The following FMO1 variants were observed in gnomAD, a reference collection of about 807,000 sequenced individuals.
FMO1 encodes flavin-containing monooxygenase 1.
FMO1 carries 36 observed loss-of-function variants against 45.4 expected under a neutral mutation model. The ratio of observed to expected loss-of-function variants is 0.79; its 90% confidence interval spans 0.61 to 1.05. The LOEUF (loss-of-function observed/expected upper bound fraction) is 1.05, where lower values mean the gene tolerates loss of function less well. Ranked by LOEUF, FMO1 falls within the 50% of genes least tolerant of loss-of-function variation. The pLI is 0.00. For synonymous variants in FMO1, 228 were observed against 227.2 expected (o/e 1.00, Z -0.03); for missense variants, 615 against 640.3 (o/e 0.96, Z 0.43).
Position 171,282,052 on chromosome 1 carries a change from C to T in FMO1, c.902C>T (p.Pro301Leu). ...RIITGKVFIR[P>L]SIKEVKENSV... ...ATCACTGGGAAAGTGTTCATCAGGC[C>T]AAGCATAAAAGAGGTAAAGGAAAAC... is the stretch of plus-strand genomic sequence containing the variant. The change falls in exon 7 of 9, where the codon CCA (proline) becomes CTA (leucine). Residue 301 changes from proline (P) to leucine (L), a missense_variant. Coordinates refer to ENST00000617670, the MANE Select transcript of FMO1 (RefSeq NM_001282693.2). The T allele has an allele frequency of 6.2e-7, 1 of 1,613,626 alleles. No homozygotes were observed. Among genetic ancestry groups the T allele is most frequent in the Non-Finnish European group, 8.5e-7 (1 of 1,179,826 alleles).
intron 7 of FMO1, chr1:171,282,765 G>T (rs974742308): frequency 8.2e-6 from 2 of 243,832 alleles, no homozygotes; most frequent in Non-Finnish European, 7.8e-6. Flanking sequence ...CTACAGACAT[G>T]CACACTGCAC....
intron 4 of FMO1, among the ~76,000 whole-genome samples, chr1:171,278,220 C>T (rs1661187921): frequency 6.6e-6 from 1 of 152,160 alleles, no homozygotes; most frequent in Admixed American, 6.5e-5. Flanking sequence ...TAACATGAAA[C>T]TTTGTGAATA....
intron 3 of FMO1, among the ~76,000 whole-genome samples, chr1:171,273,382 C>T (rs929038597): frequency 6.6e-6 from 1 of 152,132 alleles, no homozygotes; most frequent in African/African-American, 2.4e-5. Flanking sequence ...CCTTATTTTG[C>T]AATGGACACA....
intron 2 of FMO1, among the ~76,000 whole-genome samples, chr1:171,267,246 T>A (rs996622298): frequency 1.6e-4 from 25 of 152,208 alleles, no homozygotes; most frequent in African/African-American, 5.5e-4. Context: ...ACTTCTATAT[T>A]TAGAACGTTC....
chr1:171,253,680 G>T (rs544204493), intron 1 of FMO1, among the ~76,000 whole-genome samples: 4 of 152,006 alleles, frequency 2.6e-5, no homozygotes, highest in Non-Finnish European at 5.9e-5. Flanking sequence ...AGAATCGCTC[G>T]AACCCAGGAG....
At chr1:171,264,330 A>G (rs924034933) in intron 2 of FMO1, among the ~76,000 whole-genome samples, 2 of 148,586 alleles carry the variant, frequency 1.3e-5, no homozygotes, top group South Asian at 2.1e-4. Flanking sequence ...GTGTGTATAT[A>G]TATATACACA....
At chr1:171,270,854 A>G in intron 3 of FMO1, 1 of 692,376 alleles carries the variant, frequency 1.4e-6, no homozygotes. Flanking sequence ...CAAATCCTAC[A>G]CAGACTTACA....
chr1:171,259,387 T>A (rs1361699940), intron 2 of FMO1, among the ~76,000 whole-genome samples: 1 of 152,210 alleles, frequency 6.6e-6, no homozygotes, highest in African/African-American at 2.4e-5. Flanking sequence ...TAAAAGAGCA[T>A]GCCTCTTCTC....
At position 171,267,515 on chromosome 1, in the gene FMO1, T is replaced by G. The variant is rs1660666139; in HGVS notation, c.133-28T>G. On this transcript the variant is annotated intron_variant, in intron 2 of 8. Transcript: ENST00000617670. ...GGCTTATTTATGAGCATGCAATGAA[T>G]GTTCATGTGTGTGCACTGTTTGTAC... 4 of 1,526,638 alleles carry G rather than the reference T, an allele frequency of 2.6e-6. No homozygotes were observed. In the South Asian group the frequency reaches 5.3e-5, roughly 20 times the overall value. The allele number at this position is 1,526,638 out of a possible 1,614,324, so 94.6% of individuals were successfully genotyped here.
chr1:171,266,415 TA>T (rs1358219650), intron 2 of FMO1, among the ~76,000 whole-genome samples: 1 of 152,242 alleles, frequency 6.6e-6, no homozygotes, highest in South Asian at 2.1e-4. Context: ...TCCAGCTGAA[TA>T]AAATATCAAG....
chr1:171,273,323 A>G (rs1324847288), intron 3 of FMO1, among the ~76,000 whole-genome samples: 2 of 152,210 alleles, frequency 1.3e-5, no homozygotes, highest in Non-Finnish European at 2.9e-5. Context: ...GTGAAAATGG[A>G]CTAATACATC....
chr1:171,280,261 A>T (rs1483238403), intron 5 of FMO1, among the ~76,000 whole-genome samples: 1 of 152,212 alleles, frequency 6.6e-6, no homozygotes, highest in African/African-American at 2.4e-5. Flanking sequence ...ATTGTACAGG[A>T]AACTCCTTAT....
At chr1:171,271,289 C>A (rs1179154901) in intron 3 of FMO1, 37 of 1,277,088 alleles carry the variant, frequency 2.9e-5, no homozygotes, top group Non-Finnish European at 4.0e-5. Flanking sequence ...AGGAAAAAGG[C>A]TGAAGGAGGC....
intron 1 of FMO1, among the ~76,000 whole-genome samples, chr1:171,253,326 G>T (rs1236368474): frequency 2.0e-5 from 3 of 152,058 alleles, no homozygotes; most frequent in Admixed American, 6.5e-5. Context: ...TTTCAAGTCA[G>T]ACATCCACAA....
chr1:171,265,888 GA>G (rs1660599035), intron 2 of FMO1, among the ~76,000 whole-genome samples: 1 of 152,224 alleles, frequency 6.6e-6, no homozygotes. Flanking sequence ...GAGGCTCACA[GA>G]GGTATGTTGA....
rs1223615722 is a variant in FMO1, at chr1:171,285,264, T to G, written c.1319T>G (p.Leu440Arg). Residue 440 changes from leucine (L) to arginine (R), a missense_variant, in exon 9 of 9, where the codon CTG (leucine) becomes CGG (arginine). Physicochemically the swap from Leu to Arg is moderately radical, Grantham distance 102. Transcript: ENST00000617670. ...TATATCACATACATAGATGAACTCCTGACCTATATCAATGCAAAACCCAAC... is the reference window on the plus strand; with the variant it reads ...TATATCACATACATAGATGAACTCCGGACCTATATCAATGCAAAACCCAAC... ...SDYITYIDEL[L>R]TYINAKPNLF... The G allele has an allele frequency of 6.2e-7, 1 of 1,613,824 alleles. No individual in the cohort carries two copies. The highest frequency in any genetic ancestry group is 1.3e-5 in the African/African-American group (1 of 74,912).
chr1:171,282,245 C>A lies in FMO1; in HGVS notation c.1095C>A (p.Thr365=). The change falls in exon 7 of 9, where the codon ACC becomes ACA. Residue 365 remains threonine (T), a synonymous_variant. Coordinates refer to ENST00000617670, the MANE Select transcript of FMO1 (RefSeq NM_001282693.2). ...YIFPAHLQKP[T]LAIIGLIKPL... ...TCCCTGCACATCTGCAAAAGCCAAC[C>A]CTGGCCATTATTGGCCTCATCAAAC... 1 of 1,613,966 alleles carries A rather than the reference C, an allele frequency of 6.2e-7. No homozygotes were observed. Among genetic ancestry groups the A allele is most frequent in the South Asian group, 1.1e-5 (1 of 91,072 alleles).
intron 3 of FMO1, among the ~76,000 whole-genome samples, chr1:171,268,677 T>A (rs764152198): frequency 2.0e-5 from 3 of 152,126 alleles, no homozygotes; most frequent in Non-Finnish European, 4.4e-5. Context: ...TCCCTTCTCC[T>A]TTCTCCCTCC....
intron 1 of FMO1, among the ~76,000 whole-genome samples, chr1:171,254,716 C>T (rs1459296810): frequency 6.6e-6 from 1 of 152,198 alleles, no homozygotes; most frequent in Non-Finnish European, 1.5e-5. Flanking sequence ...CCTCCAGCCC[C>T]TACTCTCAGT....
Sources: gnomAD v4.1 joint callset for allele counts (sites outside exome capture counted in the v4.1 genomes callset) on GRCh38, gnomAD v4.1.1 for gene constraint, MANE v1.5 for transcripts, NCBI Gene and HGNC (gene_info 2026-07-23, HGNC 2026-07-21) for gene names.